The following KCNQ5 variants were observed in gnomAD, a reference collection of about 807,000 sequenced individuals.
KCNQ5 encodes potassium voltage-gated channel subfamily KQT member 5.
Under a neutral mutation model 98.2 loss-of-function variants are expected in KCNQ5, and 30 were observed. The ratio of observed to expected loss-of-function variants is 0.31; its 90% confidence interval spans 0.23 to 0.41. The LOEUF is 0.41. Ranked by LOEUF, KCNQ5 falls within the 10% of genes least tolerant of loss-of-function variation. The pLI is 1.00. For synonymous variants in KCNQ5, 458 were observed against 449.4 expected, an observed-to-expected ratio of 1.02 and a Z score of -0.24; for missense variants, 835 against 1,182.5, an observed-to-expected ratio of 0.71 and a Z score of 4.31.
At chr6:73,141,507 G>T (rs1776709547) in intron 10 of KCNQ5, among the ~76,000 whole-genome samples, 1 of 152,188 alleles carries the variant, frequency 6.6e-6, no homozygotes, top group Non-Finnish European at 1.5e-5. Flanking sequence ...TTATAGAACA[G>T]GATTTCTGTC....
At chr6:73,120,083 C>A (rs1415338528) in intron 7 of KCNQ5, among the ~76,000 whole-genome samples, 204 of 137,790 alleles carry the variant, frequency 1.5e-3, no homozygotes, top group Non-Finnish European at 1.6e-3. Flanking sequence ...ACTAAAAGTA[C>A]AAAAAAAAAA....
intron 1 of KCNQ5, among the ~76,000 whole-genome samples, chr6:72,948,243 A>C (rs1472241823): frequency 6.6e-6 from 1 of 152,190 alleles, no homozygotes; most frequent in East Asian, 1.9e-4. Flanking sequence ...CTAAGAAAGA[A>C]AAGGAAAATA....
intron 10 of KCNQ5, among the ~76,000 whole-genome samples, chr6:73,161,438 TTCAAATAGC>T (rs1191614253): frequency 6.6e-6 from 1 of 152,200 alleles, no homozygotes; most frequent in Non-Finnish European, 1.5e-5. Context: ...TGTTGTATAT[TTCAAATAGC>T]TCAAATAGCT....
chr6:72,684,176 ATGGGT>A (rs959497039), intron 1 of KCNQ5, among the ~76,000 whole-genome samples: 16 of 152,218 alleles, frequency 1.1e-4, no homozygotes, highest in African/African-American at 3.9e-4. Flanking sequence ...CCGAATGAGT[ATGGGT>A]TCCACCATCC....
intron 1 of KCNQ5, among the ~76,000 whole-genome samples, chr6:72,984,443 G>T (rs1768642578): frequency 1.3e-5 from 2 of 152,224 alleles, no homozygotes. Context: ...CAGCCAGGCT[G>T]CCGCCTCACA....
chr6:72,817,169 G>T (rs1374768836), intron 1 of KCNQ5, among the ~76,000 whole-genome samples: 4 of 152,126 alleles, frequency 2.6e-5, no homozygotes, highest in Non-Finnish European at 5.9e-5. Flanking sequence ...ACATTAAAAT[G>T]CTACAAATTA....
chr6:72,895,114 TAAAAAAA>T (rs71540357), intron 1 of KCNQ5, among the ~76,000 whole-genome samples: 3 of 89,268 alleles, frequency 3.4e-5, no homozygotes, highest in South Asian at 4.0e-4. Context: ...CCATCTCTAC[TAAAAAAA>T]AAAAAAAAAA....
chr6:72,650,583 A>T (rs1305622192), intron 1 of KCNQ5, among the ~76,000 whole-genome samples: 1 of 152,196 alleles, frequency 6.6e-6, no homozygotes, highest in East Asian at 1.9e-4. Flanking sequence ...TCCATTTAAA[A>T]GCGAAACTAT....
intron 5 of KCNQ5, among the ~76,000 whole-genome samples, chr6:73,082,824 A>G (rs1319708705): frequency 6.6e-6 from 1 of 151,698 alleles, no homozygotes; most frequent in African/African-American, 2.4e-5. Flanking sequence ...TTTAGTATCC[A>G]CAGAATTCTG....
intron 2 of KCNQ5, among the ~76,000 whole-genome samples, chr6:73,023,467 G>A (rs537527872): frequency 2.2e-4 from 33 of 152,212 alleles, no homozygotes; most frequent in Non-Finnish European, 4.4e-4. Flanking sequence ...GGGAACTCGT[G>A]AGGTGGAGAG....
chr6:73,056,554 A>G (rs534939357), intron 3 of KCNQ5, among the ~76,000 whole-genome samples: 10 of 152,288 alleles, frequency 6.6e-5, no homozygotes, highest in Non-Finnish European at 1.0e-4. Context: ...TTTGAGGGGC[A>G]GGAGTGCTTC....
chr6:73,105,891 C>G (rs1405159936), intron 6 of KCNQ5, among the ~76,000 whole-genome samples: 1 of 152,048 alleles, frequency 6.6e-6, no homozygotes, highest in Non-Finnish European at 1.5e-5. Flanking sequence ...GAATAAAGGG[C>G]ACATTTATCT....
chr6:72,867,248 C>T (rs1029029833), intron 1 of KCNQ5, among the ~76,000 whole-genome samples: 2 of 152,150 alleles, frequency 1.3e-5, no homozygotes, highest in Non-Finnish European at 2.9e-5. Flanking sequence ...TTTCTTTATA[C>T]TCCTCTTTAA....
At chr6:72,960,537 C>A (rs1767291071) in intron 1 of KCNQ5, among the ~76,000 whole-genome samples, 1 of 152,164 alleles carries the variant, frequency 6.6e-6, no homozygotes, top group South Asian at 2.1e-4. Flanking sequence ...TCAAGTGATT[C>A]TCCTGCCTCG....
intron 3 of KCNQ5, among the ~76,000 whole-genome samples, chr6:73,074,674 G>T (rs374384492): frequency 6.7e-5 from 10 of 150,292 alleles, no homozygotes; most frequent in Non-Finnish European, 1.3e-4. Context: ...TTTCTGCCTC[G>T]CTTTTTTCAT....
At position 73,179,001 on chromosome 6, in the gene KCNQ5, A is replaced by C. The variant is rs1778315522; in HGVS notation, c.1577+9147A>C. 3.3e-5 allele frequency among the ~76,000 whole-genome samples: 5 copies of C among 152,272 alleles called. No individual in the cohort carries two copies. The South Asian group carries it at 1.0e-3, about 32-fold the overall frequency. On this transcript the variant is annotated intron_variant, in intron 11 of 13. Coordinates refer to ENST00000370398, the MANE Select transcript of KCNQ5 (RefSeq NM_019842.4). ...ATCAATTTCGAGTGAGGGCTGCCTC[A>C]GGGGAAATTCTGTGATCAAAAGGCT... is the stretch of plus-strand genomic sequence containing the variant.
intron 1 of KCNQ5, among the ~76,000 whole-genome samples, chr6:72,902,224 GTTCTAGGAACT>G (rs1337945750): frequency 6.6e-6 from 1 of 152,158 alleles, no homozygotes; most frequent in East Asian, 1.9e-4. Flanking sequence ...TCTTTTATCA[GTTCTAGGAACT>G]TTCTGGAGAA....
chr6:73,116,536 A>T (rs1033027494), intron 7 of KCNQ5, among the ~76,000 whole-genome samples: 3 of 152,120 alleles, frequency 2.0e-5, no homozygotes, highest in African/African-American at 7.2e-5. Context: ...GCAATGGCAC[A>T]CACCTGTAGT....
At chr6:73,170,280 A>G (rs979931211) in intron 11 of KCNQ5, among the ~76,000 whole-genome samples, 1 of 152,200 alleles carries the variant, frequency 6.6e-6, no homozygotes, top group Non-Finnish European at 1.5e-5. Context: ...GGGAAACCTA[A>G]AGTATTTTGC....
Sources: allele counts gnomAD v4.1 joint callset (sites outside exome capture counted in the v4.1 genomes callset), GRCh38; gene constraint gnomAD v4.1.1; transcripts MANE v1.5; gene names NCBI Gene and HGNC (gene_info 2026-07-23, HGNC 2026-07-21).